Variants in SAMD7 observed in about 807,000 individuals in gnomAD.
The protein encoded by SAMD7 is sterile alpha motif domain containing 7.
SAMD7 carries 34 observed loss-of-function variants against 36.7 expected under a neutral mutation model. The observed-to-expected ratio is 0.93, with a 90% confidence interval of 0.71 to 1.23. SAMD7 has a LOEUF of 1.23. SAMD7 is among the 50% of genes most tolerant of loss of function. SAMD7 has a pLI of 0.00. For synonymous variants in SAMD7, 188 were observed against 189.7 expected, an observed-to-expected ratio of 0.99 and a Z score of 0.07; for missense variants, 570 against 546.6, an observed-to-expected ratio of 1.04 and a Z score of -0.43.
At chr3:169,936,714 C>G (rs1214584730) in intron 8 of SAMD7, among the ~76,000 whole-genome samples, 1 of 152,032 alleles carries the variant, frequency 6.6e-6, no homozygotes, top group Non-Finnish European at 1.5e-5. Context: ...AAAAAATGAG[C>G]CCCAATTTGT....
chr3:169,928,077 A>G (rs1713345527), intron 6 of SAMD7, among the ~76,000 whole-genome samples: 1 of 152,228 alleles, frequency 6.6e-6, no homozygotes, highest in Non-Finnish European at 1.5e-5. Flanking sequence ...TTCCCTACAA[A>G]GTGTTAATTT....
At chr3:169,932,617 C>A (rs1225358800) in intron 7 of SAMD7, 3 of 526,096 alleles carry the variant, frequency 5.7e-6, no homozygotes, top group African/African-American at 3.9e-5. Context: ...GTTATTACTA[C>A]CGAGAAACAG....
rs1713529264 is a variant in SAMD7 at position 169,932,322 on chromosome 3, G to T, written c.1041+3744G>T. 5.6e-6 allele frequency: 4 copies of T among 715,792 alleles called. No homozygotes were observed. The Admixed American group carries it at 7.3e-5, about 13-fold the overall frequency. 44.3% of individuals were successfully genotyped at this position (715,792 alleles called of 1,614,324 possible). A position where few individuals can be genotyped will look rare whatever the true frequency, so the allele number is the denominator to read the frequency against. ...TTAAAGCTGATGTGGGTTATAAAGG[G>T]ACACAGCTGAAAGCCTTACTGATCC... On this transcript the variant is annotated intron_variant, in intron 7 of 8. Transcript: ENST00000335556.
chr3:169,935,172 G>A (rs1713675357), intron 7 of SAMD7, among the ~76,000 whole-genome samples: 1 of 152,218 alleles, frequency 6.6e-6, no homozygotes, highest in African/African-American at 2.4e-5. Flanking sequence ...AAATCTAGCT[G>A]TGAAGGGAGT....
At chr3:169,916,510 TG>T (rs1178678789) in intron 2 of SAMD7, among the ~76,000 whole-genome samples, 1 of 151,992 alleles carries the variant, frequency 6.6e-6, no homozygotes, top group Non-Finnish European at 1.5e-5. Flanking sequence ...TAGCCGAGCG[TG>T]GTGGTGAGTG....
Position 169,919,576 on chromosome 3 carries a change from TG to T in SAMD7, c.79del (p.Val27TrpfsTer10). The T allele has an allele frequency of 6.2e-7, 1 of 1,609,882 alleles. No individual in the cohort carries two copies. Among genetic ancestry groups the T allele is most frequent in the South Asian group, 1.1e-5 (1 of 90,984 alleles). On this transcript the variant is annotated frameshift_variant, in exon 3 of 9. Coordinates refer to ENST00000335556, the MANE Select transcript of SAMD7 (RefSeq NM_001304366.2). LOFTEE classifies it high-confidence loss of function. ...LIPSPFGPPT[V>X]DRDVLPSTVA... Reference sequence around the variant, plus strand: ...TCCCCTCACCATTTGGGCCTCCAACTGTGGACAGGTATTTCTCTTCAATATA... The same window carrying T: ...TCCCCTCACCATTTGGGCCTCCAACTTGGACAGGTATTTCTCTTCAATATA...
At chr3:169,936,138 C>T (rs144275597) in intron 7 of SAMD7, among the ~76,000 whole-genome samples, 15 of 152,136 alleles carry the variant, frequency 9.9e-5, no homozygotes, top group South Asian at 2.1e-4. Flanking sequence ...GAATTACAGT[C>T]GATTACAAAG....
chr3:169,919,529 G>A lies in SAMD7; in HGVS notation c.31G>A (p.Gly11Arg). 1 of 1,614,168 alleles carries A rather than the reference G, an allele frequency of 6.2e-7. No individual in the cohort carries two copies. The highest frequency in any genetic ancestry group is 8.5e-7 in the Non-Finnish European group (1 of 1,180,022). Reference protein sequence around the residue: MAVNPLLTPTGQQTIPLIPSP... With the variant: MAVNPLLTPTRQQTIPLIPSP... ...TGTGAACCCTTTATTGACACCAACA[G>A]GGCAGCAGACAATCCCACTGATCCC... is the stretch of plus-strand genomic sequence containing the variant. Residue 11 changes from glycine (G) to arginine (R), a missense_variant, in exon 3 of 9, where the codon GGG (glycine) becomes AGG (arginine). Transcript: ENST00000335556.
At chr3:169,919,311 G>A (rs1191867085) in intron 2 of SAMD7, 147 bp from the exon 3 acceptor site, 3 of 602,030 alleles carry the variant, frequency 5.0e-6, no homozygotes, top group Non-Finnish European at 8.9e-6. Flanking sequence ...AATTATATCT[G>A]GGGTTTTTGT....
chr3:169,920,528 C>A (rs1257765357), intron 3 of SAMD7, among the ~76,000 whole-genome samples: 1 of 152,192 alleles, frequency 6.6e-6, no homozygotes, highest in Admixed American at 6.5e-5. Flanking sequence ...CTTCAACATG[C>A]TAATTTTTTG....
chr3:169,937,834 T>C (rs1284748647), intron 8 of SAMD7, among the ~76,000 whole-genome samples: 1 of 152,206 alleles, frequency 6.6e-6, no homozygotes, highest in Non-Finnish European at 1.5e-5. Flanking sequence ...AAATCATGCA[T>C]TGGCCTTCTA....
chr3:169,926,437 CCAAA>C (rs1660366635), intron 5 of SAMD7, 112 bp from the exon 6 acceptor site: 13 of 1,235,094 alleles, frequency 1.1e-5, no homozygotes, highest in South Asian at 1.6e-5. Context: ...CATGTTTCCA[CCAAA>C]CAAACTTCAG....
chr3:169,931,262 T>C (rs1479121955), intron 7 of SAMD7, among the ~76,000 whole-genome samples: 1 of 152,218 alleles, frequency 6.6e-6, no homozygotes, highest in East Asian at 1.9e-4. Context: ...ATTTATATCA[T>C]TACACATGGC....
intron 2 of SAMD7, among the ~76,000 whole-genome samples, chr3:169,916,771 AT>A (rs1305220659): frequency 6.6e-6 from 1 of 152,164 alleles, no homozygotes; most frequent in Non-Finnish European, 1.5e-5. Flanking sequence ...AAGTTCAACA[AT>A]TTTTCAAAAT....
chr3:169,916,696 C>T (rs1712816918), intron 2 of SAMD7, among the ~76,000 whole-genome samples: 1 of 152,138 alleles, frequency 6.6e-6, no homozygotes, highest in Non-Finnish European at 1.5e-5. Context: ...AAAATTCTAT[C>T]TCACTCCTCA....
At chr3:169,937,564 C>T (rs899117321) in intron 8 of SAMD7, among the ~76,000 whole-genome samples, 1 of 152,176 alleles carries the variant, frequency 6.6e-6, no homozygotes, top group Non-Finnish European at 1.5e-5. Flanking sequence ...CAGCTCCATC[C>T]ATGTCCCTGC....
intron 8 of SAMD7, among the ~76,000 whole-genome samples, chr3:169,937,620 G>C (rs1383290781): frequency 2.0e-5 from 3 of 152,142 alleles, no homozygotes; most frequent in South Asian, 2.1e-4. Flanking sequence ...AGTATTCCAT[G>C]GTGTATATGT....
chr3:169,912,642 A>G (rs7611256), intron 1 of SAMD7, among the ~76,000 whole-genome samples: 137,680 of 152,252 alleles, frequency 0.9, 62,561 homozygotes, highest in East Asian at 1. Flanking sequence ...TTTCAAGAAG[A>G]CATGGATAGG....
chr3:169,933,074 T>C, intron 7 of SAMD7: 1 of 908,502 alleles, frequency 1.1e-6, no homozygotes, highest in Non-Finnish European at 1.8e-6. Context: ...CCTTAAAATC[T>C]GCCATGGCCC....
Sources: gnomAD v4.1 joint callset for allele counts (sites outside exome capture counted in the v4.1 genomes callset) on GRCh38, gnomAD v4.1.1 for gene constraint, MANE v1.5 for transcripts, NCBI Gene and HGNC (gene_info 2026-07-23, HGNC 2026-07-21) for gene names.